Variants in TEX14 observed in about 807,000 individuals in gnomAD.
TEX14 encodes testis expressed 14, intercellular bridge forming factor, also known as inactive serine/threonine-protein kinase TEX14.
TEX14 carries 168 observed loss-of-function variants against 178.6 expected under a neutral mutation model. That is an observed-to-expected ratio of 0.94 (90% CI 0.83 to 1.07). The LOEUF is 1.07. TEX14 is among the 50% of genes least tolerant of loss of function. The pLI, the probability that TEX14 is intolerant of heterozygous loss-of-function variation, is 0.00. For missense variants in TEX14, 1,730 were observed against 1,753.6 expected, an observed-to-expected ratio of 0.99 and a Z score of 0.24; for synonymous variants, 626 against 634.1, an observed-to-expected ratio of 0.99 and a Z score of 0.19.
intron 26 of TEX14, among the ~76,000 whole-genome samples, chr17:58,567,447 T>G (rs2044425848): frequency 6.6e-6 from 1 of 152,086 alleles, no homozygotes; most frequent in Admixed American, 6.5e-5. Context: ...AATTTGAAAT[T>G]TAAAAAATCC....
Position 58,569,270 on chromosome 17 carries a change from A to T in TEX14, c.3818-10T>A, listed in dbSNP as rs933983688. 4.3e-6 allele frequency: 7 copies of T among 1,612,512 alleles called. No homozygotes were observed. The highest frequency in any genetic ancestry group is 5.1e-6 in the Non-Finnish European group (6 of 1,178,808). On this transcript the variant is annotated splice_polypyrimidine_tract_variant and intron_variant, in intron 25 of 31. Transcript: ENST00000349033. The surrounding 1 kb of genome is among the most constrained non-coding windows in gnomAD (Gnocchi z 4.1). ...TGTGAGAAGGCTTCTACTAGTTTTT[A>T]AAAAAGACAAAAGGGAAAATGTCTT...
At chr17:58,678,937 T>G (rs1419468889) in intron 1 of TEX14, among the ~76,000 whole-genome samples, 1 of 151,658 alleles carries the variant, frequency 6.6e-6, no homozygotes, top group Non-Finnish European at 1.5e-5. Context: ...GTAAATCACC[T>G]GAGGTTAGGA....
At position 58,573,321 on chromosome 17, in the gene TEX14, G is replaced by A. The variant is rs1439481443; in HGVS notation, c.3384-13C>T. On this transcript the variant is annotated splice_polypyrimidine_tract_variant and intron_variant, in intron 22 of 31. Transcript: ENST00000349033. ...ATCCGTCAATGATCTAAAGAATTAA[G>A]AGCACACAGTAATGATGAGAAGATG... 2 of 1,612,154 alleles carry A rather than the reference G, an allele frequency of 1.2e-6. No individual in the cohort carries two copies. Among genetic ancestry groups the A allele is most frequent in the South Asian group, 1.1e-5 (1 of 90,882 alleles).
intron 19 of TEX14, chr17:58,581,729 T>C: frequency 6.2e-7 from 1 of 1,609,430 alleles, no homozygotes. Context: ...CATGGACTGA[T>C]GCTATTAATA....
At chr17:58,587,818 C>A in intron 16 of TEX14, 78 bp downstream of exon 16, 1 of 1,325,626 alleles carries the variant, frequency 7.5e-7, no homozygotes, top group Non-Finnish European at 1.1e-6. Flanking sequence ...GCACTGACCC[C>A]TTTGCACCAG....
In TEX14 at chr17:58,601,515, C is replaced by T. The variant is rs199650486; in HGVS notation, c.1678+291G>A. On this transcript the variant is annotated intron_variant, in intron 13 of 31. Coordinates refer to ENST00000349033, the MANE Select transcript of TEX14 (RefSeq NM_031272.5). ...CCAGCCTGGGCAACAGAGCAAGATTCCATCTCAAAAAAAAAAAAAAAGAAA... is the reference window on the plus strand; with the variant it reads ...CCAGCCTGGGCAACAGAGCAAGATTTCATCTCAAAAAAAAAAAAAAAGAAA... 2.9e-4 allele frequency among the ~76,000 whole-genome samples: 42 copies of T among 146,952 alleles called. 1 individual carries two copies. In the East Asian group the frequency reaches 7.3e-3, roughly 26 times the overall value.
intron 4 of TEX14, 28 bp downstream of exon 4, chr17:58,622,819 A>G: frequency 6.3e-7 from 1 of 1,585,226 alleles, no homozygotes. Flanking sequence ...TCTAGTGGGC[A>G]TGGCTACAGA....
intron 1 of TEX14, among the ~76,000 whole-genome samples, chr17:58,675,815 T>G (rs1287954031): frequency 6.6e-6 from 1 of 152,212 alleles, no homozygotes; most frequent in African/African-American, 2.4e-5. Context: ...TTTTAATTTT[T>G]AGAGACAGGT....
In TEX14 at chr17:58,571,982, GCT is replaced by G; in HGVS notation, c.3654_3655del (p.Arg1218SerfsTer12). The G allele has an allele frequency of 6.2e-7, 1 of 1,614,072 alleles. No individual in the cohort carries two copies. The highest frequency in any genetic ancestry group is 2.2e-5 in the East Asian group (1 of 44,864). On this transcript the variant is annotated frameshift_variant, in exon 24 of 32. Coordinates refer to ENST00000349033, the MANE Select transcript of TEX14 (RefSeq NM_031272.5). LOFTEE classifies it high-confidence loss of function. ...AGTAAGGAGAGAATCCAGTTTCTTT[GCT>G]CTCTCTCGGACACTTATAAAGTCAT...
rs964833276 is a variant in TEX14, at chr17:58,569,994, C to G, written c.3817+391G>C. Among the ~76,000 whole-genome samples the G allele has an allele frequency of 7.9e-5, 12 of 152,012 alleles. No individual in the cohort carries two copies. The highest frequency in any genetic ancestry group is 7.2e-4 in the Admixed American group (11 of 15,242). ...TCTTAAACATAAGAAAATGGTTAAG[C>G]AACATGTAGAATGGACTATAACTAC... is the stretch of plus-strand genomic sequence containing the variant. On this transcript the variant is annotated intron_variant, in intron 25 of 31. Transcript: ENST00000349033. The surrounding 1 kb of genome is among the most constrained non-coding windows in gnomAD (Gnocchi z 4.1).
intron 14 of TEX14, among the ~76,000 whole-genome samples, chr17:58,596,327 G>A (rs1483518712): frequency 1.3e-5 from 2 of 152,110 alleles, no homozygotes; most frequent in Non-Finnish European, 2.9e-5. Flanking sequence ...TGTTGCCTGT[G>A]CTAGAGTGCT....
At chr17:58,594,357 T>C (rs925930291) in intron 14 of TEX14, among the ~76,000 whole-genome samples, 1 of 141,732 alleles carries the variant, frequency 7.1e-6, no homozygotes, top group African/African-American at 2.5e-5. Flanking sequence ...AATCTTTTTC[T>C]TTTTTTTTTT....
At chr17:58,689,170 C>T (rs1036286590) in intron 1 of TEX14, among the ~76,000 whole-genome samples, 30 of 151,950 alleles carry the variant, frequency 2.0e-4, no homozygotes, top group African/African-American at 6.8e-4. Flanking sequence ...TCTCGTGATC[C>T]GCCCACCTCG....
At chr17:58,643,948 C>G (rs967695299) in intron 2 of TEX14, among the ~76,000 whole-genome samples, 3 of 151,106 alleles carry the variant, frequency 2.0e-5, no homozygotes, top group Admixed American at 1.3e-4. Context: ...TCTCCCCCGC[C>G]CCCCCCAAAT....
chr17:58,679,823 A>T (rs1387120837), intron 1 of TEX14: 2 of 152,058 alleles, frequency 1.3e-5, no homozygotes, highest in African/African-American at 4.8e-5. Context: ...ATAACCCAGC[A>T]CCTGTATTTT....
At position 58,688,456 on chromosome 17, in the gene TEX14, G is replaced by C. The variant is rs76685006; in HGVS notation, c.-2+3483C>G. On this transcript the variant is annotated intron_variant, in intron 1 of 31. Transcript: ENST00000349033. ...ATTTTTAAAAAACGTCTCAGCATTA[G>C]CATTCTGCTGAGCTAGGTATTCTAT... is the stretch of plus-strand genomic sequence containing the variant. Among the ~76,000 whole-genome samples the C allele has an allele frequency of 5.2e-3, 787 of 152,260 alleles. 5 individuals are homozygous for C. Among genetic ancestry groups the C allele is most frequent in the African/African-American group, 0.018 (728 of 41,554 alleles).
At chr17:58,683,425 A>G (rs1022577207) in intron 1 of TEX14, among the ~76,000 whole-genome samples, 1 of 151,808 alleles carries the variant, frequency 6.6e-6, no homozygotes, top group South Asian at 2.1e-4. Context: ...ACATAAGTAA[A>G]CATATAAAAT....
rs1261477162 is a variant in TEX14 at position 58,569,235 on chromosome 17, A to G, written c.3843T>C (p.Ile1281=). 6.2e-7 allele frequency: 1 copy of G among 1,614,076 alleles called. No individual in the cohort carries two copies. Among genetic ancestry groups the G allele is most frequent in the Admixed American group, 1.7e-5 (1 of 60,020 alleles). The change falls in exon 26 of 32, where the codon ATT becomes ATC. Residue 1281 remains isoleucine, a synonymous_variant. Coordinates refer to ENST00000349033, the MANE Select transcript of TEX14 (RefSeq NM_031272.5). The surrounding 1 kb of genome is among the most constrained non-coding windows in gnomAD (Gnocchi z 4.1). Reference sequence around the variant, plus strand: ...CCTGAGATGGTGGTGGCAGCTCATCAATGTGATGCTGTGAGAAGGCTTCTA... The same window carrying G: ...CCTGAGATGGTGGTGGCAGCTCATCGATGTGATGCTGTGAGAAGGCTTCTA... ...PKVEAFSQHH[I]DELPPPSQEL... is the part of the protein sequence containing the mutation.
Position 58,583,041 on chromosome 17 carries a change from G to A in TEX14, c.3171+1459C>T, listed in dbSNP as rs193051332. ...GCTAGAGTACAGTGGCGCAATGACA[G>A]CTCACTGCAGCCTTGAACTGCTGGG... is the stretch of plus-strand genomic sequence containing the variant. On this transcript the variant is annotated intron_variant, in intron 19 of 31. Coordinates refer to ENST00000349033, the MANE Select transcript of TEX14 (RefSeq NM_031272.5). Among the ~76,000 whole-genome samples, 980 of 150,254 alleles carry A rather than the reference G, an allele frequency of 6.5e-3. 13 individuals are homozygous for A. The highest frequency in any genetic ancestry group is 0.017 in the South Asian group (82 of 4,766).
Sources: gnomAD v4.1 joint callset for allele counts (sites outside exome capture counted in the v4.1 genomes callset) on GRCh38, gnomAD v4.1.1 for gene constraint, Gnocchi (gnomAD v3.1) non-coding constraint, MANE v1.5 for transcripts, NCBI Gene and HGNC (gene_info 2026-07-23, HGNC 2026-07-21) for gene names.